Variants in NBAS observed in about 807,000 individuals in gnomAD.
The protein encoded by NBAS is NBAS subunit of NRZ tethering complex.
Under a neutral mutation model 302.5 loss-of-function variants are expected in NBAS, and 219 were observed. The ratio of observed to expected loss-of-function variants is 0.72; its 90% CI spans 0.65 to 0.81. NBAS has a LOEUF of 0.81. Among genes scored for constraint, NBAS ranks in the 30% least tolerant of loss-of-function variants. The pLI is 0.00. For synonymous variants in NBAS, 1,118 were observed against 1,021.6 expected, an observed-to-expected ratio of 1.09 and a Z score of -1.80; for missense variants, 2,932 against 2,841.6, an observed-to-expected ratio of 1.03 and a Z score of -0.72.
At chr2:14,896,332 A>G in the NBAS span, among the ~76,000 whole-genome samples, 121 of 152,302 alleles carry the variant, frequency 7.9e-4, 1 homozygote, top group African/African-American at 2.8e-3. Flanking sequence ...CCAAATGCCA[A>G]ACTAGTATGT....
intron 50 of NBAS, among the ~76,000 whole-genome samples, chr2:15,182,273 A>G (rs957036006): frequency 6.6e-5 from 10 of 152,222 alleles, no homozygotes; most frequent in Admixed American, 4.6e-4. Flanking sequence ...AGTGTTTGTT[A>G]TATACTTTGC....
At chr2:15,176,427 C>A (rs1441942465) in intron 51 of NBAS, among the ~76,000 whole-genome samples, 1 of 151,952 alleles carries the variant, frequency 6.6e-6, no homozygotes, top group Admixed American at 6.6e-5. Context: ...TTAGTGGTCA[C>A]ACGAAGTTAC....
the NBAS span, among the ~76,000 whole-genome samples, chr2:14,932,056 T>C: frequency 6.6e-6 from 1 of 152,186 alleles, no homozygotes. Flanking sequence ...AGAAATGTCT[T>C]TACTTCTCAT....
At chr2:14,975,607 C>T in the NBAS span, among the ~76,000 whole-genome samples, 1 of 152,146 alleles carries the variant, frequency 6.6e-6, no homozygotes, top group East Asian at 1.9e-4. Flanking sequence ...AGATGACTAA[C>T]ATAATGAGTC....
intron 6 of NBAS, among the ~76,000 whole-genome samples, chr2:15,548,332 A>G (rs1001050221): frequency 3.3e-5 from 5 of 152,222 alleles, no homozygotes; most frequent in Non-Finnish European, 7.3e-5. Context: ...GAATCCGACA[A>G]GCAAATCAAC....
chr2:15,355,047 T>C (rs1486061948), intron 33 of NBAS, among the ~76,000 whole-genome samples: 2 of 152,198 alleles, frequency 1.3e-5, no homozygotes, highest in Non-Finnish European at 2.9e-5. Context: ...CTCTCCCCTA[T>C]TGCAGTGGTC....
chr2:15,550,326 A>C (rs1253589826), intron 6 of NBAS, among the ~76,000 whole-genome samples: 1 of 152,236 alleles, frequency 6.6e-6, no homozygotes, highest in East Asian at 1.9e-4. Flanking sequence ...TAAAATATTT[A>C]TACTGCTTTA....
intron 22 of NBAS, among the ~76,000 whole-genome samples, chr2:15,426,469 T>C (rs1677483198): frequency 6.6e-6 from 1 of 152,198 alleles, no homozygotes; most frequent in African/African-American, 2.4e-5. Context: ...ATTACACTTG[T>C]TTTTTAAATA....
At position 15,346,570 on chromosome 2, in the gene NBAS, C is replaced by T. The variant is rs190884081; in HGVS notation, c.4179+5422G>A. 3.0e-3 allele frequency among the ~76,000 whole-genome samples: 452 copies of T among 152,196 alleles called. 1 individual carries two copies. The highest frequency in any genetic ancestry group is 0.01 in the African/African-American group (418 of 41,530). On this transcript the variant is annotated intron_variant, in intron 35 of 51. Transcript: ENST00000281513. ...CTGTTGGTGGGAATGTAAATTAGTTCGATGATTGTGGAAGACAGTATGGCA... is the reference window on the plus strand; with the variant it reads ...CTGTTGGTGGGAATGTAAATTAGTTTGATGATTGTGGAAGACAGTATGGCA...
At chr2:14,994,661 C>G in the NBAS span, among the ~76,000 whole-genome samples, 2 of 152,222 alleles carry the variant, frequency 1.3e-5, no homozygotes, top group East Asian at 3.9e-4. Context: ...GCCAGAGCCT[C>G]TAGCACCTGT....
chr2:15,103,030 AAGAGGGTCGGAGGGAGGGAG>A, the NBAS span, among the ~76,000 whole-genome samples: 35 of 100,396 alleles, frequency 3.5e-4, no homozygotes, highest in South Asian at 2.6e-3. Flanking sequence ...GAAGGAAGGA[AAGAGGGTCGGAGGGAGGGAG>A]GGAGGGAAGG....
chr2:15,317,633 G>C (rs896414397), intron 38 of NBAS, among the ~76,000 whole-genome samples: 30 of 151,966 alleles, frequency 2.0e-4, no homozygotes, highest in African/African-American at 7.0e-4. Context: ...ATTTGGTCAA[G>C]TGGAAGAGTA....
chr2:15,212,959 A>G (rs908102408), intron 48 of NBAS, among the ~76,000 whole-genome samples: 1 of 152,210 alleles, frequency 6.6e-6, no homozygotes, highest in Admixed American at 6.5e-5. Context: ...CCTTTAGGGT[A>G]TCTACTTCTT....
the NBAS span, among the ~76,000 whole-genome samples, chr2:15,065,523 G>T: frequency 6.6e-6 from 1 of 152,000 alleles, no homozygotes; most frequent in African/African-American, 2.4e-5. Context: ...ACGAAATATT[G>T]TTAGAACTAA....
the NBAS span, among the ~76,000 whole-genome samples, chr2:15,043,069 C>T: frequency 2.6e-5 from 4 of 152,300 alleles, no homozygotes; most frequent in Non-Finnish European, 4.4e-5. Flanking sequence ...CTCCAACCCC[C>T]GATTTACATA....
At chr2:15,439,018 G>A (rs1056576774) in intron 21 of NBAS, among the ~76,000 whole-genome samples, 102 of 152,042 alleles carry the variant, frequency 6.7e-4, no homozygotes, top group Admixed American at 5.2e-4. Flanking sequence ...TTACCCGGCC[G>A]GGCACGGTGG....
intron 35 of NBAS, among the ~76,000 whole-genome samples, chr2:15,334,403 T>C (rs952300547): frequency 1.3e-5 from 2 of 152,150 alleles, no homozygotes; most frequent in Non-Finnish European, 2.9e-5. Context: ...TTAGCCAGGA[T>C]GGTCTTGATC....
chr2:14,842,787 A>G, the NBAS span, among the ~76,000 whole-genome samples: 2 of 151,834 alleles, frequency 1.3e-5, no homozygotes, highest in African/African-American at 4.8e-5. Context: ...AGAGGAAGAA[A>G]TACTTCCAAA....
chr2:15,303,824 T>TGGA (rs1482495341), intron 40 of NBAS, among the ~76,000 whole-genome samples: 1 of 152,236 alleles, frequency 6.6e-6, no homozygotes, highest in Non-Finnish European at 1.5e-5. Context: ...AATGTGGCTG[T>TGGA]GGAGCCAGCT....
Sources: gnomAD v4.1 joint callset for allele counts (sites outside exome capture counted in the v4.1 genomes callset) on GRCh38, gnomAD v4.1.1 for gene constraint, MANE v1.5 for transcripts, NCBI Gene and HGNC (gene_info 2026-07-23, HGNC 2026-07-21) for gene names.